ADAMTS17: variants seen among roughly 807,000 people sequenced by gnomAD.
ADAMTS17 encodes A disintegrin and metalloproteinase with thrombospondin motifs 17.
In ADAMTS17, 113 loss-of-function variants were observed where a neutral mutation model predicts 141.5. That is an observed-to-expected ratio of 0.80 (90% confidence interval 0.69 to 0.93). ADAMTS17 has a LOEUF of 0.93. ADAMTS17 is among the 40% of genes least tolerant of loss of function. The probability of loss-of-function intolerance (pLI) is 0.00; values close to 1 mark genes in which losing one functional copy is unlikely to be tolerated. For synonymous variants in ADAMTS17, 768 were observed against 630.6 expected (o/e 1.22, Z -3.27); for missense variants, 1,659 against 1,517.9 (o/e 1.09, Z -1.54).
intron 18 of ADAMTS17, among the ~76,000 whole-genome samples, chr15:100,024,871 T>C (rs1300254695): frequency 3.9e-5 from 6 of 152,206 alleles, no homozygotes; most frequent in Non-Finnish European, 8.8e-5. Context: ...AATACATGTC[T>C]AGTTGCAATG....
chr15:100,110,948 C>A (rs188583969), intron 13 of ADAMTS17, among the ~76,000 whole-genome samples: 278 of 152,322 alleles, frequency 1.8e-3, no homozygotes, highest in Middle Eastern at 6.8e-3. Context: ...TCCTGTCCCA[C>A]GAAGTCTGCT....
intron 15 of ADAMTS17, among the ~76,000 whole-genome samples, chr15:100,084,468 C>T (rs1382098435): frequency 1.3e-5 from 2 of 152,214 alleles, no homozygotes; most frequent in Admixed American, 6.5e-5. Context: ...CTTAAATGTC[C>T]CTTTCTGACA....
At chr15:100,200,762 G>A (rs1316471931) in intron 7 of ADAMTS17, among the ~76,000 whole-genome samples, 1 of 152,178 alleles carries the variant, frequency 6.6e-6, no homozygotes, top group Non-Finnish European at 1.5e-5. Context: ...CCCTGGATGG[G>A]CTGTGGCCAC....
intron 12 of ADAMTS17, among the ~76,000 whole-genome samples, chr15:100,125,681 C>G (rs1304872168): frequency 2.0e-5 from 3 of 152,180 alleles, no homozygotes; most frequent in Non-Finnish European, 4.4e-5. Flanking sequence ...ACCCTGCAGT[C>G]TTCTGACGTA....
intron 10 of ADAMTS17, among the ~76,000 whole-genome samples, chr15:100,150,683 A>C (rs1215611196): frequency 1.3e-5 from 2 of 151,566 alleles, no homozygotes; most frequent in Non-Finnish European, 2.9e-5. Flanking sequence ...CCTCCACCAC[A>C]CTTAATCCTG....
At chr15:100,237,288 G>C (rs1468850753) in intron 7 of ADAMTS17, among the ~76,000 whole-genome samples, 1 of 152,160 alleles carries the variant, frequency 6.6e-6, no homozygotes, top group African/African-American at 2.4e-5. Flanking sequence ...CTCTCCCTCA[G>C]TAAGCCTCAG....
At chr15:100,239,965 G>A (rs962132163) in intron 7 of ADAMTS17, among the ~76,000 whole-genome samples, 4 of 152,150 alleles carry the variant, frequency 2.6e-5, no homozygotes, top group African/African-American at 7.2e-5. Flanking sequence ...CTGATGTCCT[G>A]CTACCAGATG....
At chr15:100,118,537 G>C (rs756771512) in intron 12 of ADAMTS17, among the ~76,000 whole-genome samples, 2 of 152,224 alleles carry the variant, frequency 1.3e-5, no homozygotes, top group Non-Finnish European at 2.9e-5. Flanking sequence ...TGGAATCTGA[G>C]AACAGAGGGG....
intron 14 of ADAMTS17, among the ~76,000 whole-genome samples, chr15:100,105,017 T>C (rs1322201898): frequency 6.6e-6 from 1 of 152,260 alleles, no homozygotes; most frequent in Non-Finnish European, 1.5e-5. Flanking sequence ...ACCTTTACAG[T>C]ATCTGTCTGA....
chr15:100,216,795 T>G (rs1476551463), intron 7 of ADAMTS17, among the ~76,000 whole-genome samples: 1 of 152,204 alleles, frequency 6.6e-6, no homozygotes, highest in East Asian at 1.9e-4. Flanking sequence ...GAAAGAGAAC[T>G]CTTCACAAAA....
chr15:100,155,147 G>A (rs780803012), intron 9 of ADAMTS17, 33 bp downstream of exon 9: 5 of 1,613,904 alleles, frequency 3.1e-6, no homozygotes, highest in African/African-American at 2.7e-5. Flanking sequence ...ACTTTTGATT[G>A]CATTCATCCT....
chr15:100,250,251 C>T (rs976561199), intron 7 of ADAMTS17, among the ~76,000 whole-genome samples: 1 of 152,158 alleles, frequency 6.6e-6, no homozygotes, highest in Non-Finnish European at 1.5e-5. Context: ...CAAAAAAACG[C>T]TGTTATATAC....
At chr15:100,248,631 C>A (rs1009305954) in intron 7 of ADAMTS17, among the ~76,000 whole-genome samples, 1 of 152,198 alleles carries the variant, frequency 6.6e-6, no homozygotes, top group African/African-American at 2.4e-5. Flanking sequence ...GGGGGCCACT[C>A]AGTGAGGGGA....
At chr15:100,216,751 G>A (rs375206490) in intron 7 of ADAMTS17, among the ~76,000 whole-genome samples, 151 of 152,244 alleles carry the variant, frequency 9.9e-4, no homozygotes, top group African/African-American at 3.5e-3. Context: ...GACGTTCCAG[G>A]CCCACCTAAC....
intron 3 of ADAMTS17, among the ~76,000 whole-genome samples, chr15:100,299,278 G>A (rs111872890): frequency 0.01 from 1,531 of 150,998 alleles, 12 homozygotes; most frequent in Non-Finnish European, 0.014. Flanking sequence ...ACCTTTGCAC[G>A]CCCGGACGTC....
intron 7 of ADAMTS17, among the ~76,000 whole-genome samples, chr15:100,235,181 C>G (rs2042616995): frequency 1.3e-5 from 2 of 152,122 alleles, no homozygotes; most frequent in Non-Finnish European, 2.9e-5. Context: ...TGGCCTTTAT[C>G]AGAAGCCTCT....
At chr15:100,280,468 G>C (rs1169848961) in intron 4 of ADAMTS17, among the ~76,000 whole-genome samples, 1 of 152,014 alleles carries the variant, frequency 6.6e-6, no homozygotes, top group African/African-American at 2.4e-5. Flanking sequence ...GCAGCTGCTG[G>C]GCTGTTCTTC....
At chr15:100,173,145 A>G (rs1269107363) in intron 8 of ADAMTS17, among the ~76,000 whole-genome samples, 1 of 152,116 alleles carries the variant, frequency 6.6e-6, no homozygotes, top group African/African-American at 2.4e-5. Context: ...CTCTTGCACT[A>G]TTTTAACCCA....
intron 8 of ADAMTS17, among the ~76,000 whole-genome samples, chr15:100,187,553 T>C (rs1237003920): frequency 6.6e-6 from 1 of 152,232 alleles, no homozygotes; most frequent in Admixed American, 6.5e-5. Context: ...TGGTTTACTC[T>C]GAACCCCCAG....
Sources: gnomAD v4.1 joint callset for allele counts (sites outside exome capture counted in the v4.1 genomes callset) on GRCh38, gnomAD v4.1.1 for gene constraint, MANE v1.5 for transcripts, NCBI Gene and HGNC (gene_info 2026-07-23, HGNC 2026-07-21) for gene names.